The following ARSB variants were observed in gnomAD, a reference collection of about 807,000 sequenced individuals.
ARSB encodes N-acetylgalactosamine-4-sulfatase.
ARSB carries 41 observed loss-of-function variants against 50.9 expected under a neutral mutation model. The observed-to-expected ratio is 0.81, with a 90% CI of 0.63 to 1.04. ARSB has a LOEUF of 1.04. Ranked by LOEUF, ARSB falls within the 50% of genes least tolerant of loss-of-function variation. ARSB has a pLI of 0.00. For missense variants in ARSB, 672 were observed against 693.3 expected (o/e 0.97, Z 0.35); for synonymous variants, 269 against 284.8 (o/e 0.94, Z 0.56).
Position 78,780,338 on chromosome 5 carries a change from G to A in ARSB, c.*59C>T, listed in dbSNP as rs753076331. ...TGGGATAACAAATGAGACAAGAGTC[G>A]TGAGAAAAGGCCTGAGGTCCAACTT... On this transcript the variant is annotated 3_prime_UTR_variant, in exon 8 of 8. Transcript: ENST00000264914. The A allele has an allele frequency of 2.4e-5, 38 of 1,609,372 alleles. No homozygotes were observed. The highest frequency in any genetic ancestry group is 8.9e-5 in the East Asian group (4 of 44,876).
chr5:78,972,544 C>CACACACA (rs1554088554), intron 1 of ARSB, among the ~76,000 whole-genome samples: 4 of 147,514 alleles, frequency 2.7e-5, no homozygotes, highest in Non-Finnish European at 4.4e-5. Context: ...CACACACACA[C>CACACACA]CCCAAATCAA....
chr5:78,964,534 C>A lies in ARSB; in HGVS notation c.572G>T (p.Arg191Leu). ...GCCATCTCGAAAATCAAGAGCACAT[C>A]GTGTGACATTCAGAGCGTCAATTAA... is the stretch of plus-strand genomic sequence containing the variant. The part of the protein sequence containing the change: ...CTLIDALNVT[R>L]CALDFRDGEE... Residue 191 changes from arginine to leucine, a missense_variant, in exon 3 of 8, where the codon CGA (arginine) becomes CTA (leucine). Transcript: ENST00000264914. 1 of 1,613,982 alleles carries A rather than the reference C, an allele frequency of 6.2e-7. No homozygotes were observed. Among genetic ancestry groups the A allele is most frequent in the Non-Finnish European group, 8.5e-7 (1 of 1,179,914 alleles).
rs114380388 is a variant in ARSB at position 78,972,182 on chromosome 5, C to T, written c.313-2990G>A. On this transcript the variant is annotated intron_variant, in intron 1 of 7. Transcript: ENST00000264914. ...GGAGAGTGCATGGCCTCACCTGACA[C>T]GCTGCTTAGCCTGGCTACATGAGTC... is the stretch of plus-strand genomic sequence containing the variant. Among the ~76,000 whole-genome samples, 290 of 152,274 alleles carry T rather than the reference C, an allele frequency of 1.9e-3. 2 individuals carry two copies. Among genetic ancestry groups the T allele is most frequent in the African/African-American group, 6.7e-3 (280 of 41,552 alleles).
At chr5:78,970,776 T>C (rs1309010177) in intron 1 of ARSB, among the ~76,000 whole-genome samples, 1 of 151,936 alleles carries the variant, frequency 6.6e-6, no homozygotes, top group Non-Finnish European at 1.5e-5. Flanking sequence ...CAACATGCCA[T>C]GATCTCATCT....
intron 6 of ARSB, among the ~76,000 whole-genome samples, chr5:78,829,064 C>A (rs1243007275): frequency 1.3e-5 from 2 of 152,220 alleles, no homozygotes; most frequent in Non-Finnish European, 2.9e-5. Flanking sequence ...ATGTAGGCAG[C>A]CTCTAGAAGC....
chr5:78,817,534 C>T (rs555269417), intron 6 of ARSB, among the ~76,000 whole-genome samples: 21 of 152,150 alleles, frequency 1.4e-4, no homozygotes, highest in Admixed American at 1.2e-3. Flanking sequence ...ATAGGCCGGG[C>T]GCGGTGGCTC....
chr5:78,793,000 C>A (rs73767411), intron 6 of ARSB, among the ~76,000 whole-genome samples: 7,096 of 152,242 alleles, frequency 0.047, 536 homozygotes, highest in African/African-American at 0.16. Flanking sequence ...AAACAGAGTG[C>A]AATAGAACAG....
intron 4 of ARSB, among the ~76,000 whole-genome samples, chr5:78,933,899 A>G (rs1750464156): frequency 6.6e-6 from 1 of 152,228 alleles, no homozygotes; most frequent in Non-Finnish European, 1.5e-5. Flanking sequence ...TAAAGAAGGA[A>G]GAATAGACTA....
At chr5:78,895,043 C>T (rs776734475) in intron 4 of ARSB, among the ~76,000 whole-genome samples, 1 of 152,186 alleles carries the variant, frequency 6.6e-6, no homozygotes, top group African/African-American at 2.4e-5. Flanking sequence ...AACCAACCAA[C>T]CAAACAAACA....
chr5:78,956,412 T>G lies in ARSB; in HGVS notation c.691-910A>C, dbSNP rs566874040. Among the ~76,000 whole-genome samples, 10 of 152,188 alleles carry G rather than the reference T, an allele frequency of 6.6e-5. No individual in the cohort carries two copies. In the South Asian group the frequency reaches 1.9e-3, roughly 28 times the overall value. Reference sequence around the variant, plus strand: ...ATTGCTAACAGATACAAGGTTTTTTTGGGGGGATGATGAACATGTTTTAAA... The same window carrying G: ...ATTGCTAACAGATACAAGGTTTTTTGGGGGGGATGATGAACATGTTTTAAA... On this transcript the variant is annotated intron_variant, in intron 3 of 7. Coordinates refer to ENST00000264914, the MANE Select transcript of ARSB (RefSeq NM_000046.5).
At chr5:78,782,415 G>A (rs1748952533) in intron 6 of ARSB, among the ~76,000 whole-genome samples, 1 of 152,162 alleles carries the variant, frequency 6.6e-6, no homozygotes, top group African/African-American at 2.4e-5. Context: ...AGCTATGAGA[G>A]TTCATGCATG....
intron 5 of ARSB, among the ~76,000 whole-genome samples, chr5:78,848,118 G>A (rs1377219363): frequency 6.6e-6 from 1 of 150,670 alleles, no homozygotes; most frequent in Non-Finnish European, 1.5e-5. Context: ...TGCACAATGT[G>A]CAGGTTAGTT....
At chr5:78,925,995 T>G (rs1194585560) in intron 4 of ARSB, among the ~76,000 whole-genome samples, 1 of 152,186 alleles carries the variant, frequency 6.6e-6, no homozygotes, top group African/African-American at 2.4e-5. Flanking sequence ...AGAAAGATTT[T>G]ATAATATTAA....
intron 1 of ARSB, among the ~76,000 whole-genome samples, chr5:78,971,122 G>C (rs560133627): frequency 1.3e-5 from 2 of 152,318 alleles, no homozygotes; most frequent in African/African-American, 2.4e-5. Flanking sequence ...GAGCTTACTA[G>C]ACAAGTTCAA....
intron 6 of ARSB, among the ~76,000 whole-genome samples, chr5:78,803,221 A>G (rs1012818820): frequency 1.4e-4 from 22 of 152,302 alleles, no homozygotes; most frequent in African/African-American, 4.8e-4. Flanking sequence ...TTTCACTTCC[A>G]TGTTGAAGCT....
chr5:78,806,306 G>A (rs1743561490), intron 6 of ARSB, among the ~76,000 whole-genome samples: 1 of 152,202 alleles, frequency 6.6e-6, no homozygotes, highest in South Asian at 2.1e-4. Flanking sequence ...GGATGTCATA[G>A]GCTGTTAATA....
At position 78,777,950 on chromosome 5, in the gene ARSB, A is replaced by G. The variant is rs1580958824; in HGVS notation, c.*2447T>C. On this transcript the variant is annotated 3_prime_UTR_variant, in exon 8 of 8. Coordinates refer to ENST00000264914, the MANE Select transcript of ARSB (RefSeq NM_000046.5). ...TTATATAGAATCAGAGAATCTAATG[A>G]AATACATTCTATTATGGATAAACCA... 6.6e-6 allele frequency: 1 copy of G among 152,184 alleles called. No homozygotes were observed. The highest frequency in any genetic ancestry group is 1.9e-4 in the East Asian group (1 of 5,200). 9.4% of individuals were successfully genotyped at this position (152,184 alleles called of 1,614,324 possible).
intron 4 of ARSB, among the ~76,000 whole-genome samples, chr5:78,924,832 G>T (rs1345604069): frequency 6.6e-6 from 1 of 152,142 alleles, no homozygotes; most frequent in Non-Finnish European, 1.5e-5. Context: ...AACTTTAAAA[G>T]CAAAGCATTG....
chr5:78,836,654 G>A (rs1744967632), intron 6 of ARSB, among the ~76,000 whole-genome samples: 1 of 152,172 alleles, frequency 6.6e-6, no homozygotes, highest in African/African-American at 2.4e-5. Context: ...TGCCTGTGCT[G>A]TTATTTTGCT....
Sources: allele counts gnomAD v4.1 joint callset (sites outside exome capture counted in the v4.1 genomes callset), GRCh38; gene constraint gnomAD v4.1.1; transcripts MANE v1.5; gene names NCBI Gene and HGNC (gene_info 2026-07-23, HGNC 2026-07-21).